HS6ST3: variants seen among roughly 807,000 people sequenced by gnomAD.
HS6ST3 encodes heparan sulfate 6-O-sulfotransferase 3.
HS6ST3 carries 12 observed loss-of-function variants against 36.7 expected under a neutral mutation model. The ratio of observed to expected loss-of-function variants is 0.33; its 90% confidence interval spans 0.21 to 0.53. HS6ST3 has a LOEUF of 0.53. Ranked by LOEUF, HS6ST3 falls within the 20% of genes least tolerant of loss-of-function variation. The probability of loss-of-function intolerance (pLI) is 0.95; values close to 1 mark genes in which losing one functional copy is unlikely to be tolerated. For missense variants in HS6ST3, 584 were observed against 640.9 expected (o/e 0.91, Z 0.96); for synonymous variants, 240 against 257.5 (o/e 0.93, Z 0.65).
At chr13:96,582,588 T>C (rs897472899) in intron 1 of HS6ST3, among the ~76,000 whole-genome samples, 54 of 152,168 alleles carry the variant, frequency 3.5e-4, no homozygotes, top group African/African-American at 1.2e-3. Flanking sequence ...AGGGATATCC[T>C]GAAGCAAGTT....
chr13:96,530,842 C>T (rs373308237), intron 1 of HS6ST3, among the ~76,000 whole-genome samples: 10 of 152,302 alleles, frequency 6.6e-5, no homozygotes, highest in Admixed American at 2.0e-4. Flanking sequence ...TCACCCACTA[C>T]CCTCTTGAGA....
chr13:96,337,917 T>C (rs984841762), intron 1 of HS6ST3, among the ~76,000 whole-genome samples: 2 of 152,026 alleles, frequency 1.3e-5, no homozygotes, highest in Admixed American at 1.3e-4. Context: ...AAGTCATTTT[T>C]CCATTTGTGT....
chr13:96,729,211 A>G (rs536549168), intron 1 of HS6ST3, among the ~76,000 whole-genome samples: 3 of 152,236 alleles, frequency 2.0e-5, no homozygotes, highest in East Asian at 3.9e-4. Flanking sequence ...GGTATTAAAT[A>G]GAACGGCCAC....
At chr13:96,679,902 A>G (rs536196773) in intron 1 of HS6ST3, among the ~76,000 whole-genome samples, 3 of 152,310 alleles carry the variant, frequency 2.0e-5, no homozygotes, top group African/African-American at 7.2e-5. Flanking sequence ...TTATTCTGGC[A>G]AGGGACCTTG....
intron 1 of HS6ST3, among the ~76,000 whole-genome samples, chr13:96,716,014 G>A (rs896751296): frequency 6.7e-6 from 1 of 150,294 alleles, no homozygotes; most frequent in Admixed American, 6.6e-5. Flanking sequence ...TTTTCTCTGT[G>A]GTATACTAAA....
chr13:96,132,252 C>A (rs956396182), intron 1 of HS6ST3, among the ~76,000 whole-genome samples: 1 of 151,822 alleles, frequency 6.6e-6, no homozygotes, highest in African/African-American at 2.4e-5. Context: ...AATAGTTCTA[C>A]AAGGAACATG....
chr13:96,466,205 C>T (rs559122516), intron 1 of HS6ST3, among the ~76,000 whole-genome samples: 11 of 152,134 alleles, frequency 7.2e-5, no homozygotes, highest in African/African-American at 1.4e-4. Context: ...TGCTTGAACC[C>T]GGGAGGCGGA....
At chr13:96,093,423 A>T (rs1431937225) in intron 1 of HS6ST3, among the ~76,000 whole-genome samples, 2 of 152,200 alleles carry the variant, frequency 1.3e-5, no homozygotes, top group Non-Finnish European at 2.9e-5. Context: ...CTGTTGACAC[A>T]GGAAAACTCC....
chr13:96,464,154 A>AAAAAAAAAAAAAAAAAAAAAAAAAAAC (rs1313361208), intron 1 of HS6ST3, among the ~76,000 whole-genome samples: 2 of 148,648 alleles, frequency 1.3e-5, no homozygotes, highest in Non-Finnish European at 3.0e-5. Context: ...AAAAAAAAAA[A>AAAAAAAAAAAAAAAAAAAAAAAAAAAC]AAAAAAATCA....
At chr13:96,580,933 AT>A (rs554091681) in intron 1 of HS6ST3, among the ~76,000 whole-genome samples, 44 of 152,316 alleles carry the variant, frequency 2.9e-4, no homozygotes, top group South Asian at 6.2e-4. Flanking sequence ...TAAGAAAAAA[AT>A]AATGGAAGTT....
intron 1 of HS6ST3, among the ~76,000 whole-genome samples, chr13:96,802,851 C>T (rs1035954075): frequency 6.6e-6 from 1 of 152,148 alleles, no homozygotes; most frequent in African/African-American, 2.4e-5. Flanking sequence ...TTTCCTATGG[C>T]TCTAAAATAA....
chr13:96,413,218 A>T (rs2055516834), intron 1 of HS6ST3, among the ~76,000 whole-genome samples: 1 of 152,176 alleles, frequency 6.6e-6, no homozygotes, highest in Non-Finnish European at 1.5e-5. Flanking sequence ...TTCAGACTAG[A>T]TAATGTTTCA....
intron 1 of HS6ST3, among the ~76,000 whole-genome samples, chr13:96,214,108 T>G (rs1462077777): frequency 6.6e-6 from 1 of 152,208 alleles, no homozygotes; most frequent in Admixed American, 6.5e-5. Flanking sequence ...GTTTTTATAC[T>G]TATCCTACAT....
chr13:96,233,454 A>T (rs2054517880), intron 1 of HS6ST3, among the ~76,000 whole-genome samples: 1 of 152,196 alleles, frequency 6.6e-6, no homozygotes, highest in South Asian at 2.1e-4. Flanking sequence ...ATGAATATAG[A>T]ACATTCATTT....
intron 1 of HS6ST3, among the ~76,000 whole-genome samples, chr13:96,338,079 AT>A (rs559980882): frequency 4.7e-4 from 71 of 150,160 alleles, no homozygotes; most frequent in African/African-American, 1.3e-3. Flanking sequence ...AATTTAAAAG[AT>A]TTTTTTTTTC....
intron 1 of HS6ST3, among the ~76,000 whole-genome samples, chr13:96,470,574 CTGTGT>C (rs2055835762): frequency 1.3e-5 from 2 of 152,276 alleles, no homozygotes; most frequent in East Asian, 3.9e-4. Context: ...CATTGTCATC[CTGTGT>C]ATACGCCTCC....
intron 1 of HS6ST3, among the ~76,000 whole-genome samples, chr13:96,506,147 G>A (rs888078431): frequency 1.3e-5 from 2 of 152,076 alleles, no homozygotes; most frequent in Non-Finnish European, 2.9e-5. Flanking sequence ...GTCAGAAAAA[G>A]CTTTTAGATT....
At chr13:96,799,646 G>C (rs1353840917) in intron 1 of HS6ST3, among the ~76,000 whole-genome samples, 1 of 137,910 alleles carries the variant, frequency 7.3e-6, no homozygotes, top group South Asian at 2.7e-4. Flanking sequence ...TGGAGGGAGG[G>C]GGGAGGGATA....
chr13:96,321,463 G>T (rs1373484655), intron 1 of HS6ST3, among the ~76,000 whole-genome samples: 4 of 151,990 alleles, frequency 2.6e-5, no homozygotes, highest in Non-Finnish European at 5.9e-5. Flanking sequence ...CTTATCATGT[G>T]AACTCCTCCA....
Sources: allele counts gnomAD v4.1 joint callset (sites outside exome capture counted in the v4.1 genomes callset), GRCh38; gene constraint gnomAD v4.1.1; transcripts MANE v1.5; gene names NCBI Gene and HGNC (gene_info 2026-07-23, HGNC 2026-07-21).